FBXO31: variants seen among roughly 807,000 people sequenced by gnomAD.
FBXO31 encodes F-box protein 31.
Under a neutral mutation model 54.4 loss-of-function variants are expected in FBXO31, and 24 were observed. That is an observed-to-expected ratio of 0.44 (90% CI 0.32 to 0.62). The LOEUF (loss-of-function observed/expected upper bound fraction) is 0.62. Among genes scored for constraint, FBXO31 ranks in the 20% least tolerant of loss-of-function variants. The pLI is 0.05. For missense variants in FBXO31, 665 were observed against 787.1 expected (o/e 0.84, Z 1.86); for synonymous variants, 388 against 335.6 (o/e 1.16, Z -1.71).
chr16:87,387,782 T>C (rs1597384567), upstream of FBXO31, among the ~76,000 whole-genome samples: 2 of 152,026 alleles, frequency 1.3e-5, no homozygotes, highest in African/African-American at 2.4e-5. Flanking sequence ...CACTGGGCAA[T>C]GGTGCATTCC....
intron 2 of FBXO31, among the ~76,000 whole-genome samples, chr16:87,351,004 G>A (rs1905629170): frequency 6.6e-6 from 1 of 152,240 alleles, no homozygotes; most frequent in South Asian, 2.1e-4. Context: ...GGCCGCTGCT[G>A]ACCAGATGTC....
Position 87,335,479 on chromosome 16 carries a change from G to A in FBXO31, c.843-22C>T. The A allele has an allele frequency of 6.4e-7, 1 of 1,551,700 alleles. No individual in the cohort carries two copies. Among genetic ancestry groups the A allele is most frequent in the Non-Finnish European group, 8.8e-7 (1 of 1,141,176 alleles). On this transcript the variant is annotated intron_variant, in intron 6 of 8. Transcript: ENST00000311635. This position sits in a 1 kb window ranked among gnomAD's most constrained non-coding sequence, Gnocchi z 5.7. ...GTTGCTGTGGGGAGCGGACGGGTCA[G>A]TACAGGAGACCTCGTGGGGCAGGCA...
upstream of FBXO31, chr16:87,389,943 G>A (rs1005782426): frequency 6.6e-6 from 1 of 152,192 alleles, no homozygotes; most frequent in Non-Finnish European, 1.5e-5. Context: ...AAAAATCAGG[G>A]ACAGAAAGTG....
Position 87,340,545 on chromosome 16 carries a change from A to G in FBXO31, c.732+2332T>C, listed in dbSNP as rs1597360952. ...AGATCCAACGGAACCAGACACAGAC[A>G]CAAGAGAAAAATAAAAGCATGAGCT... On this transcript the variant is annotated intron_variant, in intron 5 of 8. Coordinates refer to ENST00000311635, the MANE Select transcript of FBXO31 (RefSeq NM_024735.5). 1.3e-5 allele frequency among the ~76,000 whole-genome samples: 2 copies of G among 152,392 alleles called. 1 individual carries two copies. Among genetic ancestry groups the G allele is most frequent in the South Asian group, 4.1e-4 (2 of 4,830 alleles).
chr16:87,372,856 C>A (rs1693189090), intron 1 of FBXO31, among the ~76,000 whole-genome samples: 1 of 151,732 alleles, frequency 6.6e-6, no homozygotes, highest in African/African-American at 2.4e-5. Flanking sequence ...TCTGCCTCAG[C>A]CTCCCAAGTA....
At chr16:87,352,520 G>A (rs544244795) in intron 2 of FBXO31, among the ~76,000 whole-genome samples, 3 of 152,252 alleles carry the variant, frequency 2.0e-5, no homozygotes, top group South Asian at 4.2e-4. Context: ...CCAGAAGTCC[G>A]CAAACTGGAG....
chr16:87,379,779 G>C (rs933298084), intron 1 of FBXO31, among the ~76,000 whole-genome samples: 7 of 151,610 alleles, frequency 4.6e-5, no homozygotes, highest in African/African-American at 1.7e-4. Flanking sequence ...GTAGAGACGG[G>C]GTTTCACCAT....
In FBXO31 at chr16:87,334,194, G is replaced by T; in HGVS notation, c.1089C>A (p.Phe363Leu). 2 of 1,612,798 alleles carry T rather than the reference G, an allele frequency of 1.2e-6. No homozygotes were observed. The highest frequency in any genetic ancestry group is 8.5e-7 in the Non-Finnish European group (1 of 1,179,700). Residue 363 changes from phenylalanine (F) to leucine (L), a missense_variant, in exon 8 of 9, where the codon TTC (phenylalanine) becomes TTA (leucine). Phe to Leu is a conservative substitution (Grantham distance 22, BLOSUM62 0). Transcript: ENST00000311635. ...CCAGGACGATGCGGGAGAGCTCATTGAAGTTGCGCTGGTTCTCGAGGTCGG... is the reference window on the plus strand; with the variant it reads ...CCAGGACGATGCGGGAGAGCTCATTTAAGTTGCGCTGGTTCTCGAGGTCGG... ...QLPDLENQRN[F>L]NELSRIVLEV...
chr16:87,362,960 T>C (rs1906200728), intron 1 of FBXO31, among the ~76,000 whole-genome samples: 1 of 152,162 alleles, frequency 6.6e-6, no homozygotes, highest in Non-Finnish European at 1.5e-5. Flanking sequence ...ACCTTTGTCC[T>C]CCCTTCAGTC....
chr16:87,377,239 G>A (rs1337740367), intron 1 of FBXO31, among the ~76,000 whole-genome samples: 2 of 152,326 alleles, frequency 1.3e-5, no homozygotes, highest in South Asian at 2.1e-4. Flanking sequence ...GAGCCCAGGA[G>A]TTCCAGACCA....
chr16:87,348,761 AC>A (rs2150678092), intron 2 of FBXO31, among the ~76,000 whole-genome samples: 1 of 152,202 alleles, frequency 6.6e-6, no homozygotes, highest in East Asian at 1.9e-4. Flanking sequence ...GGCGGCCTGC[AC>A]TCACCCGGGA....
At chr16:87,333,849 T>C (rs752883351) in intron 8 of FBXO31, 37 bp downstream of exon 8, 8 of 1,554,190 alleles carry the variant, frequency 5.1e-6, no homozygotes, top group Non-Finnish European at 7.0e-6. Context: ...GCCCATGCTG[T>C]CCCACCTTCA....
chr16:87,380,988 A>C (rs1907052297), intron 1 of FBXO31, among the ~76,000 whole-genome samples: 1 of 152,216 alleles, frequency 6.6e-6, no homozygotes, highest in Non-Finnish European at 1.5e-5. Context: ...TTTCCCAAAC[A>C]AACCCCCCAG....
chr16:87,381,729 G>A (rs1412025153), intron 1 of FBXO31, among the ~76,000 whole-genome samples: 1 of 152,100 alleles, frequency 6.6e-6, no homozygotes, highest in African/African-American at 2.4e-5. Flanking sequence ...CCCACTTGAG[G>A]AACTGCACCC....
At position 87,336,135 on chromosome 16, in the gene FBXO31, C is replaced by T. The variant is rs779339987; in HGVS notation, c.842+20G>A. Reference sequence around the variant, plus strand: ...CACCAGGAGAGGGCTACCCCAGCACCGAGCAGGAGCCGCACTCACTCGTAC... The same window carrying T: ...CACCAGGAGAGGGCTACCCCAGCACTGAGCAGGAGCCGCACTCACTCGTAC... On this transcript the variant is annotated intron_variant, in intron 6 of 8. Transcript: ENST00000311635. The surrounding 1 kb of genome is among the most constrained non-coding windows in gnomAD (Gnocchi z 6.5). The T allele has an allele frequency of 2.2e-5, 35 of 1,604,416 alleles. No individual in the cohort carries two copies. In the East Asian group the frequency reaches 6.3e-4, roughly 29 times the overall value.
At position 87,358,876 on chromosome 16, in the gene FBXO31, C is replaced by G. The variant is rs1426647003; in HGVS notation, c.412+1419G>C. Among the ~76,000 whole-genome samples, 2 of 152,152 alleles carry G rather than the reference C, an allele frequency of 1.3e-5. No homozygotes were observed. The highest frequency in any genetic ancestry group is 4.8e-5 in the African/African-American group (2 of 41,420). Reference sequence around the variant, plus strand: ...ATCTGGGATGACCGTCTAGAGAACACTTACCCCGGCTAACATACTCACTTT... The same window carrying G: ...ATCTGGGATGACCGTCTAGAGAACAGTTACCCCGGCTAACATACTCACTTT... On this transcript the variant is annotated intron_variant, in intron 2 of 8. Coordinates refer to ENST00000311635, the MANE Select transcript of FBXO31 (RefSeq NM_024735.5). The surrounding 1 kb of genome is among the most constrained non-coding windows in gnomAD (Gnocchi z 4.0).
chr16:87,331,881 A>T (rs1904872481), intron 8 of FBXO31, among the ~76,000 whole-genome samples: 3 of 152,346 alleles, frequency 2.0e-5, no homozygotes, highest in Non-Finnish European at 4.4e-5. Context: ...TCTGTTCCAA[A>T]ACACACATTT....
intron 1 of FBXO31, among the ~76,000 whole-genome samples, chr16:87,369,481 C>G (rs533395757): frequency 2.6e-5 from 4 of 152,206 alleles, no homozygotes; most frequent in Admixed American, 2.6e-4. Context: ...GCATAATGTC[C>G]TTCAGCTGCG....
chr16:87,349,768 G>T lies in FBXO31; in HGVS notation c.413-2518C>A, dbSNP rs533504341. On this transcript the variant is annotated intron_variant, in intron 2 of 8. Coordinates refer to ENST00000311635, the MANE Select transcript of FBXO31 (RefSeq NM_024735.5). Reference sequence around the variant, plus strand: ...TTTTAAAATAAATTTCCATCAGCCCGGTGTGGTGGCATGAGTTATGGTCCC... The same window carrying T: ...TTTTAAAATAAATTTCCATCAGCCCTGTGTGGTGGCATGAGTTATGGTCCC... Among the ~76,000 whole-genome samples the T allele has an allele frequency of 2.0e-5, 3 of 150,972 alleles. No individual in the cohort carries two copies. In the South Asian group the frequency reaches 6.3e-4, roughly 32 times the overall value.
Sources: gnomAD v4.1 joint callset for allele counts (sites outside exome capture counted in the v4.1 genomes callset) on GRCh38, gnomAD v4.1.1 for gene constraint, Gnocchi (gnomAD v3.1) non-coding constraint, MANE v1.5 for transcripts, NCBI Gene and HGNC (gene_info 2026-07-23, HGNC 2026-07-21) for gene names.